YWHAE: variants seen among roughly 807,000 people sequenced by gnomAD.
The protein encoded by YWHAE is tyrosine 3-monooxygenase/tryptophan 5-monooxygenase activation protein epsilon, also known as 14-3-3 protein epsilon.
Under a neutral mutation model 30.1 loss-of-function variants are expected in YWHAE, and 4 were observed. That is an observed-to-expected ratio of 0.13 (90% CI 0.07 to 0.30). The LOEUF (loss-of-function observed/expected upper bound fraction) is 0.30, where lower values mean the gene tolerates loss of function less well. Ranked by LOEUF, YWHAE falls within the 10% of genes least tolerant of loss-of-function variation. YWHAE has a pLI of 1.00. For synonymous variants in YWHAE, 118 were observed against 111.8 expected (o/e 1.06, Z -0.35); for missense variants, 121 against 315.9 (o/e 0.38, Z 4.68).
chr17:1,371,995 C>T (rs145850896), intron 1 of YWHAE, among the ~76,000 whole-genome samples: 2 of 152,096 alleles, frequency 1.3e-5, no homozygotes, highest in Admixed American at 6.6e-5. Context: ...TCTGCCACCA[C>T]GCCCAGCTAA....
intron 1 of YWHAE, among the ~76,000 whole-genome samples, chr17:1,381,285 C>A (rs1006220637): frequency 2.0e-5 from 3 of 151,968 alleles, no homozygotes; most frequent in African/African-American, 7.3e-5. Context: ...GAGGCTGAGG[C>A]GGGTGACTCA....
rs1329598373 is a variant in YWHAE, at chr17:1,375,561, GA to G, written c.65-10504del. ...CGGGCAGTTTTGCTACAGTAATTTT[GA>G]GTAACAAAATCGAATTTCTGGGACT... On this transcript the variant is annotated intron_variant, in intron 1 of 5. Coordinates refer to ENST00000264335, the MANE Select transcript of YWHAE (RefSeq NM_006761.5). 2.0e-5 allele frequency among the ~76,000 whole-genome samples: 3 copies of G among 152,194 alleles called. 1 individual carries two copies. Among genetic ancestry groups the G allele is most frequent in the Admixed American group, 2.0e-4 (3 of 15,274 alleles).
At chr17:1,396,408 A>G (rs2073472467) in intron 1 of YWHAE, among the ~76,000 whole-genome samples, 1 of 152,160 alleles carries the variant, frequency 6.6e-6, no homozygotes. Flanking sequence ...TGGGAGACAG[A>G]GCGAGACTCC....
In YWHAE at chr17:1,345,118, A is replaced by G; in HGVS notation, c.*329T>C. On this transcript the variant is annotated 3_prime_UTR_variant, in exon 6 of 6. Transcript: ENST00000264335. ...CACCTATAAGTCTAATGGCTTTCAA[A>G]TGTAATTTCCATTTGCTAATGGTGA... The G allele has an allele frequency of 2.7e-6, 1 of 373,982 alleles. No individual in the cohort carries two copies. The highest frequency in any genetic ancestry group is 4.3e-5 in the East Asian group (1 of 23,194). The allele number at this position is 373,982 out of a possible 1,614,324, so 23.2% of individuals were successfully genotyped here. A position where few individuals can be genotyped will look rare whatever the true frequency, so the allele number is the denominator to read the frequency against.
At chr17:1,393,007 C>G (rs2036546888) in intron 1 of YWHAE, among the ~76,000 whole-genome samples, 1 of 151,950 alleles carries the variant, frequency 6.6e-6, no homozygotes, top group Non-Finnish European at 1.5e-5. Flanking sequence ...ATTCCAAGAC[C>G]AGCCTGGGCA....
chr17:1,354,970 T>TTTTTTG (rs1187589571), intron 4 of YWHAE, among the ~76,000 whole-genome samples: 33 of 22,272 alleles, frequency 1.5e-3, no homozygotes, highest in Middle Eastern at 0.026. Context: ...CCTAGTTTTT[T>TTTTTTG]TTTTTTTTTT....
intron 1 of YWHAE, among the ~76,000 whole-genome samples, chr17:1,391,867 T>C (rs1212646298): frequency 6.6e-6 from 1 of 152,140 alleles, no homozygotes; most frequent in Non-Finnish European, 1.5e-5. Flanking sequence ...GAAGATCACA[T>C]GAGCTCAGGA....
At chr17:1,368,926 A>C (rs543891489) in intron 1 of YWHAE, among the ~76,000 whole-genome samples, 1 of 152,236 alleles carries the variant, frequency 6.6e-6, no homozygotes, top group African/African-American at 2.4e-5. Flanking sequence ...AATTTAAGTT[A>C]CATATCTCGA....
intron 1 of YWHAE, among the ~76,000 whole-genome samples, chr17:1,394,041 C>G (rs1216736558): frequency 6.6e-6 from 1 of 152,070 alleles, no homozygotes; most frequent in Admixed American, 6.6e-5. Context: ...CGCTACTCAC[C>G]CCCTACTCCC....
At chr17:1,368,025 T>G (rs931335311) in intron 1 of YWHAE, among the ~76,000 whole-genome samples, 1 of 151,256 alleles carries the variant, frequency 6.6e-6, no homozygotes, top group Admixed American at 6.6e-5. Flanking sequence ...CTGAGGCAGG[T>G]GGATCACCTG....
In YWHAE at chr17:1,344,301, TAAAATAA is replaced by T. The variant is rs1219143584; in HGVS notation, c.*1139_*1145del. 6.3e-6 allele frequency: 1 copy of T among 158,422 alleles called. No homozygotes were observed. The highest frequency in any genetic ancestry group is 1.4e-5 in the Non-Finnish European group (1 of 71,598). The allele number at this position is 158,422 out of a possible 1,614,324, so 9.8% of individuals were successfully genotyped here. ...ACTACTCATGTTGTACTTTAATGAT[TAAAATAA>T]ATACCATGTTGCTGCCTGGTCTGGA... is the stretch of plus-strand genomic sequence containing the variant. On this transcript the variant is annotated 3_prime_UTR_variant, in exon 6 of 6. Transcript: ENST00000264335.
chr17:1,384,951 T>TCTGC (rs1172050864), intron 1 of YWHAE, among the ~76,000 whole-genome samples: 3 of 152,006 alleles, frequency 2.0e-5, no homozygotes, highest in Non-Finnish European at 4.4e-5. Context: ...CCACAGATGA[T>TCTGC]CTGCCTGCCT....
At chr17:1,399,728 C>G in intron 1 of YWHAE, 1 of 508,162 alleles carries the variant, frequency 2.0e-6, no homozygotes, top group Non-Finnish European at 3.6e-6. Flanking sequence ...TCGGAGACAG[C>G]ACCCGCCATC....
intron 1 of YWHAE, among the ~76,000 whole-genome samples, chr17:1,374,249 C>T (rs182658735): frequency 1.3e-5 from 2 of 150,894 alleles, no homozygotes; most frequent in African/African-American, 2.4e-5. Flanking sequence ...ACACGGGAGG[C>T]GGAGGTTGCA....
chr17:1,347,983 G>GA (rs2072555080), intron 5 of YWHAE: 23 of 1,012,112 alleles, frequency 2.3e-5, no homozygotes, highest in Non-Finnish European at 2.7e-5. Context: ...TTTAGGAAAG[G>GA]AAGAGTTGGG....
rs1053754750 is a variant in YWHAE, at chr17:1,359,626, G to A, written c.578+1466C>T. 2.0e-5 allele frequency among the ~76,000 whole-genome samples: 3 copies of A among 151,870 alleles called. No individual in the cohort carries two copies. In the East Asian group the frequency reaches 5.8e-4, roughly 29 times the overall value. Reference sequence around the variant, plus strand: ...AAATATTATATGATCCCACTTACATGAGGTATCTAGAATGGGCCAAATTCA... The same window carrying A: ...AAATATTATATGATCCCACTTACATAAGGTATCTAGAATGGGCCAAATTCA... On this transcript the variant is annotated intron_variant, in intron 4 of 5. Transcript: ENST00000264335.
rs184156541 is a variant in YWHAE at position 1,375,974 on chromosome 17, G to C, written c.65-10916C>G. On this transcript the variant is annotated intron_variant, in intron 1 of 5. Transcript: ENST00000264335. ...AAATAGGCACTGTTCCAAATGCTTC[G>C]CTGTATTAATGTGCTTAATCTTCTC... Among the ~76,000 whole-genome samples the C allele has an allele frequency of 4.6e-5, 7 of 152,148 alleles. No homozygotes were observed. In the East Asian group the frequency reaches 7.7e-4, roughly 17 times the overall value.
At chr17:1,370,036 T>C (rs548445684) in intron 1 of YWHAE, among the ~76,000 whole-genome samples, 1 of 151,904 alleles carries the variant, frequency 6.6e-6, no homozygotes, top group Non-Finnish European at 1.5e-5. Context: ...CAATGAAGTC[T>C]GCCATGTTGA....
At chr17:1,368,935 G>A (rs1039500086) in intron 1 of YWHAE, among the ~76,000 whole-genome samples, 9 of 152,086 alleles carry the variant, frequency 5.9e-5, no homozygotes, top group African/African-American at 2.2e-4. Context: ...TACATATCTC[G>A]AATATCATTC....
Sources: gnomAD v4.1 joint callset for allele counts (sites outside exome capture counted in the v4.1 genomes callset) on GRCh38, gnomAD v4.1.1 for gene constraint, MANE v1.5 for transcripts, NCBI Gene and HGNC (gene_info 2026-07-23, HGNC 2026-07-21) for gene names.